Variants in FBXW2 observed in about 807,000 individuals in gnomAD.
FBXW2 encodes the protein F-box/WD repeat-containing protein 2.
Under a neutral mutation model 46.0 loss-of-function variants are expected in FBXW2, and 12 were observed. The ratio of observed to expected loss-of-function variants is 0.26; its 90% confidence interval spans 0.17 to 0.42. FBXW2 has a LOEUF of 0.42. Ranked by LOEUF, FBXW2 falls within the 10% of genes least tolerant of loss-of-function variation. FBXW2 has a pLI of 1.00. For synonymous variants in FBXW2, 203 were observed against 209.6 expected (o/e 0.97, Z 0.27); for missense variants, 360 against 537.0 (o/e 0.67, Z 3.26).
chr9:120,774,393 T>C (rs2044448106), intron 5 of FBXW2, among the ~76,000 whole-genome samples: 1 of 149,582 alleles, frequency 6.7e-6, no homozygotes, highest in African/African-American at 2.5e-5. Context: ...GTGGCTGTAG[T>C]GCTAGCTACT....
Position 120,764,645 on chromosome 9 carries a change from C to T in FBXW2, c.1279G>A (p.Asp427Asn). The change falls in exon 8 of 8, where the codon GAT (aspartate) becomes AAT (asparagine). Residue 427 changes from aspartate to asparagine, a missense_variant. Coordinates refer to ENST00000608872, the MANE Select transcript of FBXW2 (RefSeq NM_012164.4). ...AGEASWLNGL[D>N]GHNDTGLVFA... ...ACCAAGCCCGTGTCATTGTGCCCAT[C>T]CAGTCCATTCAGCCAGGATGCTTCG... 1 of 1,614,210 alleles carries T rather than the reference C, an allele frequency of 6.2e-7. No individual in the cohort carries two copies. Among genetic ancestry groups the T allele is most frequent in the South Asian group, 1.1e-5 (1 of 91,090 alleles).
rs1251110152 is a variant in FBXW2 at position 120,758,292 on chromosome 9, C to G, written c.*6267G>C. On this transcript the variant is annotated 3_prime_UTR_variant, in exon 8 of 8. Transcript: ENST00000608872. ...GACTGGTGGAAAGGAACATCAAGAA[C>G]TTTCCACGAGGATGGGAGATTAACA... The G allele has an allele frequency of 6.6e-6, 1 of 152,132 alleles. No individual in the cohort carries two copies. Among genetic ancestry groups the G allele is most frequent in the Non-Finnish European group, 1.5e-5 (1 of 68,032 alleles). The allele number at this position is 152,132 out of a possible 1,614,324, so 9.4% of individuals were successfully genotyped here. A position where few individuals can be genotyped will look rare whatever the true frequency, so the allele number is the denominator to read the frequency against.
chr9:120,772,738 G>A lies in FBXW2; in HGVS notation c.906+16C>T. 1.3e-6 allele frequency: 2 copies of A among 1,514,500 alleles called. No individual in the cohort carries two copies. Among genetic ancestry groups the A allele is most frequent in the Non-Finnish European group, 1.8e-6 (2 of 1,126,820 alleles). The allele number at this position is 1,514,500 out of a possible 1,614,324, so 93.8% of individuals were successfully genotyped here. The stretch of plus-strand genomic sequence containing the variant: ...TTTTTCTTTAATGAAGCAAATTAAT[G>A]GAGAAAAAAACTCACCTTAATCTCA... On this transcript the variant is annotated intron_variant, in intron 6 of 7. Coordinates refer to ENST00000608872, the MANE Select transcript of FBXW2 (RefSeq NM_012164.4).
intron 3 of FBXW2, among the ~76,000 whole-genome samples, chr9:120,786,576 T>C (rs904136300): frequency 2.0e-5 from 3 of 152,224 alleles, no homozygotes; most frequent in African/African-American, 4.8e-5. Context: ...AATATGGAAA[T>C]GGCTAAATAA....
chr9:120,782,206 T>C (rs2044630526), intron 3 of FBXW2, among the ~76,000 whole-genome samples: 1 of 150,696 alleles, frequency 6.6e-6, no homozygotes, highest in African/African-American at 2.4e-5. Flanking sequence ...TGGTGGCTCA[T>C]GCCTGTAATC....
Position 120,761,169 on chromosome 9 carries a change from A to C in FBXW2, c.*3390T>G, listed in dbSNP as rs200728055. 1 of 152,228 alleles carries C rather than the reference A, an allele frequency of 6.6e-6. No homozygotes were observed. Among genetic ancestry groups the C allele is most frequent in the East Asian group, 1.9e-4 (1 of 5,202 alleles). The allele number at this position is 152,228 out of a possible 1,614,324, so 9.4% of individuals were successfully genotyped here. A position where few individuals can be genotyped will look rare whatever the true frequency, so the allele number is the denominator to read the frequency against. On this transcript the variant is annotated 3_prime_UTR_variant, in exon 8 of 8. Transcript: ENST00000608872. ...ACAGTCAGATTTGGCAATGTGTATT[A>C]CTTCAAATGATTGAGCTGGAGGAAA...
chr9:120,765,008 C>T (rs1009718534), intron 7 of FBXW2, among the ~76,000 whole-genome samples, 161 bp from the exon 8 acceptor site: 1 of 151,822 alleles, frequency 6.6e-6, no homozygotes, highest in Non-Finnish European at 1.5e-5. Context: ...AAAGCTCAGC[C>T]CACTTATAAA....
chr9:120,784,671 G>A (rs1047650963), intron 3 of FBXW2, among the ~76,000 whole-genome samples: 1 of 151,764 alleles, frequency 6.6e-6, no homozygotes, highest in African/African-American at 2.4e-5. Flanking sequence ...TGTAATCCCA[G>A]CACTTTGGGA....
chr9:120,776,816 T>C (rs1357348274), intron 4 of FBXW2, among the ~76,000 whole-genome samples: 1 of 152,202 alleles, frequency 6.6e-6, no homozygotes, highest in Non-Finnish European at 1.5e-5. Context: ...TTCAAATGTA[T>C]ACCAGTTCTA....
In FBXW2 at chr9:120,764,351, C is replaced by T. The variant is rs763871973; in HGVS notation, c.*208G>A. 7 of 574,054 alleles carry T rather than the reference C, an allele frequency of 1.2e-5. No homozygotes were observed. The highest frequency in any genetic ancestry group is 2.2e-5 in the Non-Finnish European group (7 of 322,578). The allele number at this position is 574,054 out of a possible 1,614,324, so 35.6% of individuals were successfully genotyped here. On this transcript the variant is annotated 3_prime_UTR_variant, in exon 8 of 8. Transcript: ENST00000608872. ...TACAAATGAAGTCAATGGTGTACCC[C>T]ATTAGCATGCTGCGTTGTATGTCAA...
At chr9:120,787,636 G>C in intron 3 of FBXW2, 133 bp downstream of exon 3, 4 of 879,360 alleles carry the variant, frequency 4.5e-6, no homozygotes, top group Non-Finnish European at 6.8e-6. Flanking sequence ...AACCACTCAG[G>C]ATTAGAGAAA....
intron 7 of FBXW2, among the ~76,000 whole-genome samples, chr9:120,769,394 A>G (rs1383329671): frequency 6.6e-6 from 1 of 152,172 alleles, no homozygotes; most frequent in African/African-American, 2.4e-5. Context: ...ACTATTATTC[A>G]AACACTAAAA....
chr9:120,757,313 C>G lies in FBXW2; in HGVS notation c.*7246G>C, dbSNP rs2044143273. On this transcript the variant is annotated 3_prime_UTR_variant, in exon 8 of 8. Coordinates refer to ENST00000608872, the MANE Select transcript of FBXW2 (RefSeq NM_012164.4). ...AAGTGTTCACTTCATAACTATTCGA[C>G]AAAACTGTGTGTTGTATGCACTCTT... The G allele has an allele frequency of 6.6e-6, 1 of 152,146 alleles. No individual in the cohort carries two copies. The highest frequency in any genetic ancestry group is 1.5e-5 in the Non-Finnish European group (1 of 68,014). 9.4% of individuals were successfully genotyped at this position (152,146 alleles called of 1,614,324 possible).
rs973164641 is a variant in FBXW2 at position 120,771,621 on chromosome 9, T to C, written c.907-104A>G. 16 of 982,882 alleles carry C rather than the reference T, an allele frequency of 1.6e-5. No homozygotes were observed. In the East Asian group the frequency reaches 3.7e-4, roughly 22 times the overall value. 60.9% of individuals were successfully genotyped at this position (982,882 alleles called of 1,614,324 possible). On this transcript the variant is annotated intron_variant, in intron 6 of 7. Transcript: ENST00000608872. ...GTGAAGTCAGATAGAAAGTGAAGTA[T>C]ACTGGAAAGACCCCAGGTTTTATAG...
At chr9:120,781,669 C>CATAT (rs2044616114) in intron 3 of FBXW2, among the ~76,000 whole-genome samples, 2 of 149,784 alleles carry the variant, frequency 1.3e-5, no homozygotes, top group East Asian at 1.9e-4. Context: ...CACACACACA[C>CATAT]ACACACATAC....
intron 7 of FBXW2, among the ~76,000 whole-genome samples, chr9:120,769,486 C>A (rs1045999894): frequency 9.9e-5 from 15 of 152,160 alleles, no homozygotes; most frequent in Admixed American, 8.5e-4. Context: ...AGATGTGGGA[C>A]CAAATTAAAC....
At chr9:120,784,864 T>C (rs1466900243) in intron 3 of FBXW2, among the ~76,000 whole-genome samples, 1 of 143,390 alleles carries the variant, frequency 7.0e-6, no homozygotes, top group Non-Finnish European at 1.5e-5. Flanking sequence ...GAGGTTGCAG[T>C]GAGCCGAGAC....
At position 120,787,978 on chromosome 9, in the gene FBXW2, C is replaced by T; in HGVS notation, c.281G>A (p.Cys94Tyr). ...ACATGCAGTCTGCCACACCTCTGTA[C>T]AGGCACTTATCACCTTATTCCACTG... ...SKQWNKVISA[C>Y]TEVWQTACKN... The change falls in exon 3 of 8, where the codon TGT (cysteine) becomes TAT (tyrosine). Residue 94 changes from cysteine to tyrosine, a missense_variant. Cys to Tyr is a radical substitution (Grantham distance 194). Coordinates refer to ENST00000608872, the MANE Select transcript of FBXW2 (RefSeq NM_012164.4). The T allele has an allele frequency of 6.2e-7, 1 of 1,614,214 alleles. No individual in the cohort carries two copies. The highest frequency in any genetic ancestry group is 8.5e-7 in the Non-Finnish European group (1 of 1,180,034).
chr9:120,790,802 T>C (rs915690191), intron 2 of FBXW2, among the ~76,000 whole-genome samples: 1 of 152,188 alleles, frequency 6.6e-6, no homozygotes, highest in African/African-American at 2.4e-5. Flanking sequence ...GTTGTGCACA[T>C]GTACCCTAGA....
Sources: gnomAD v4.1 joint callset for allele counts (sites outside exome capture counted in the v4.1 genomes callset) on GRCh38, gnomAD v4.1.1 for gene constraint, MANE v1.5 for transcripts, NCBI Gene and HGNC (gene_info 2026-07-23, HGNC 2026-07-21) for gene names.